The following PDCD4 variants were observed in gnomAD, a reference collection of about 807,000 sequenced individuals.
PDCD4 encodes the protein programmed cell death 4.
Under a neutral mutation model 54.0 loss-of-function variants are expected in PDCD4, and 56 were observed. That is an observed-to-expected ratio of 1.04 (90% CI 0.84 to 1.30). The LOEUF (loss-of-function observed/expected upper bound fraction) is 1.30. Ranked by LOEUF, PDCD4 falls within the 50% of genes most tolerant of loss-of-function variation. The pLI is 0.00. For missense variants in PDCD4, 584 were observed against 559.8 expected (o/e 1.04, Z -0.44); for synonymous variants, 186 against 194.8 (o/e 0.95, Z 0.37).
rs754972985 is a variant in PDCD4 at position 110,883,065 on chromosome 10, G to A, written c.409G>A (p.Asp137Asn). 4 of 1,595,750 alleles carry A rather than the reference G, an allele frequency of 2.5e-6. No individual in the cohort carries two copies. In the South Asian group the frequency reaches 3.4e-5, roughly 14 times the overall value. Reference protein sequence around the residue: ...PGQVYDVEEVDVKDPNYDDDQ... With the variant: ...PGQVYDVEEVNVKDPNYDDDQ... The stretch of plus-strand genomic sequence containing the variant: ...ACAGGTGTATGATGTGGAGGAGGTG[G>A]ATGTGAAAGATCCTAACTATGATGA... The change falls in exon 4 of 12, where the codon GAT (aspartate) becomes AAT (asparagine). Residue 137 changes from aspartate to asparagine, a missense_variant. Transcript: ENST00000280154.
In PDCD4 at chr10:110,885,292, GA is replaced by G; in HGVS notation, c.484del (p.Arg162GlyfsTer7). On this transcript the variant is annotated frameshift_variant, in exon 5 of 12. Coordinates refer to ENST00000280154, the MANE Select transcript of PDCD4 (RefSeq NM_014456.5). LOFTEE classifies it high-confidence loss of function. ...TGAAACTGTAGTTTTGCCTTTGGAT[GA>G]AAGGGCATTTGAGAAGACTTTAACA... ...VYETVVLPLD[E>X]RAFEKTLTPI... 6.3e-7 allele frequency: 1 copy of G among 1,597,574 alleles called. No individual in the cohort carries two copies.
At position 110,885,272 on chromosome 10, in the gene PDCD4, C is replaced by G; in HGVS notation, c.461C>G (p.Thr154Ser). The G allele has an allele frequency of 6.4e-7, 1 of 1,563,168 alleles. No homozygotes were observed. Among genetic ancestry groups the G allele is most frequent in the Admixed American group, 1.7e-5 (1 of 58,852 alleles). The change falls in exon 5 of 12, where the codon ACT becomes AGT. Residue 154 changes from threonine to serine, a missense_variant. Physicochemically the swap from Thr to Ser is moderately conservative, Grantham distance 58 (BLOSUM62 1). Coordinates refer to ENST00000280154, the MANE Select transcript of PDCD4 (RefSeq NM_014456.5). ...DDDQENCVYETVVLPLDERAF... is the reference protein window; with the variant it reads ...DDDQENCVYESVVLPLDERAF... Reference sequence around the variant, plus strand: ...TCAAAGGAGAACTGTGTTTATGAAACTGTAGTTTTGCCTTTGGATGAAAGG... The same window carrying G: ...TCAAAGGAGAACTGTGTTTATGAAAGTGTAGTTTTGCCTTTGGATGAAAGG...
intron 2 of PDCD4, among the ~76,000 whole-genome samples, chr10:110,879,866 A>G (rs1845565112): frequency 6.6e-6 from 1 of 152,232 alleles, no homozygotes; most frequent in South Asian, 2.1e-4. Flanking sequence ...AAGTATGTCA[A>G]GAATTGTAAA....
chr10:110,892,644 C>T (rs1381619793), intron 8 of PDCD4, among the ~76,000 whole-genome samples: 1 of 151,982 alleles, frequency 6.6e-6, no homozygotes, highest in African/African-American at 2.4e-5. Flanking sequence ...TGGTGGTGGT[C>T]CCATAAGGTT....
In PDCD4 at chr10:110,883,128, A is replaced by G. The variant is rs775239281; in HGVS notation, c.441+31A>G. Reference sequence around the variant, plus strand: ...AGTGCTTTGCTTTTTCATAATATTTAAAATGTTTATGAACTTTTTTGACTT... The same window carrying G: ...AGTGCTTTGCTTTTTCATAATATTTGAAATGTTTATGAACTTTTTTGACTT... On this transcript the variant is annotated intron_variant, in intron 4 of 11. Transcript: ENST00000280154. 16 of 1,383,796 alleles carry G rather than the reference A, an allele frequency of 1.2e-5. No individual in the cohort carries two copies. In the African/African-American group the frequency reaches 2.4e-4, roughly 20 times the overall value. 85.7% of individuals were successfully genotyped at this position (1,383,796 alleles called of 1,614,324 possible). A position where few individuals can be genotyped will look rare whatever the true frequency, so the allele number is the denominator to read the frequency against.
Position 110,876,075 on chromosome 10 carries a change from G to C in PDCD4, c.43+5G>C. On this transcript the variant is annotated splice_donor_5th_base_variant and intron_variant, in intron 2 of 11. Coordinates refer to ENST00000280154, the MANE Select transcript of PDCD4 (RefSeq NM_014456.5). ...TACTGAATGTAAACCCTGCAGGTAA[G>C]TAAGGATATCCTTTTTTCTTTTTTT... is the stretch of plus-strand genomic sequence containing the variant. 1 of 1,604,918 alleles carries C rather than the reference G, an allele frequency of 6.2e-7. No individual in the cohort carries two copies. Among genetic ancestry groups the C allele is most frequent in the Non-Finnish European group, 8.5e-7 (1 of 1,174,856 alleles).
At chr10:110,894,069 T>C in intron 8 of PDCD4, 22 bp from the exon 9 acceptor site, 1 of 1,404,020 alleles carries the variant, frequency 7.1e-7, no homozygotes, top group East Asian at 2.3e-5. Context: ...TTCTGACACA[T>C]CTCAACTTTT....
At chr10:110,884,560 T>A (rs550328101) in intron 4 of PDCD4, among the ~76,000 whole-genome samples, 2 of 152,258 alleles carry the variant, frequency 1.3e-5, no homozygotes, top group East Asian at 3.9e-4. Flanking sequence ...TTCATTTTTT[T>A]TTAAAGTGAA....
At position 110,898,065 on chromosome 10, in the gene PDCD4, C is replaced by A. The variant is rs185959051; in HGVS notation, c.1387C>A (p.Arg463Ser). The part of the protein sequence containing the change: ...KRFVSEGDGG[R>S]LKPESY ...TTTTGTAAGCGAAGGAGATGGAGGT[C>A]GTCTTAAACCAGAGAGCTACTGAAT... The change falls in exon 12 of 12, where the codon CGT (arginine) becomes AGT (serine). Residue 463 changes from arginine (R) to serine (S), a missense_variant. Arg to Ser is a moderately radical substitution (Grantham distance 110). Transcript: ENST00000280154. 1 of 1,581,912 alleles carries A rather than the reference C, an allele frequency of 6.3e-7. No individual in the cohort carries two copies. The highest frequency in any genetic ancestry group is 8.6e-7 in the Non-Finnish European group (1 of 1,162,276).
Position 110,898,007 on chromosome 10 carries a change from CTTT to C in PDCD4, c.1350-14_1350-12del. Reference sequence around the variant, plus strand: ...TCAGAATTTGTATCTGTTTTCATGTCTTTTTTTTTCTTCATTACAGGGGCAGAA... The same window carrying C: ...TCAGAATTTGTATCTGTTTTCATGTCTTTTTTCTTCATTACAGGGGCAGAA... On this transcript the variant is annotated intron_variant, in intron 11 of 11. Transcript: ENST00000280154. 1 of 1,516,352 alleles carries C rather than the reference CTTT, an allele frequency of 6.6e-7. No homozygotes were observed. The highest frequency in any genetic ancestry group is 1.3e-5 in the South Asian group (1 of 78,948). 93.9% of individuals were successfully genotyped at this position (1,516,352 alleles called of 1,614,324 possible).
chr10:110,884,118 C>A (rs1458703886), intron 4 of PDCD4, among the ~76,000 whole-genome samples: 1 of 152,156 alleles, frequency 6.6e-6, no homozygotes, highest in East Asian at 1.9e-4. Flanking sequence ...AAATTGCATG[C>A]CATTCTGAGT....
chr10:110,872,798 G>C (rs541143873), intron 1 of PDCD4, among the ~76,000 whole-genome samples: 5 of 152,206 alleles, frequency 3.3e-5, no homozygotes, highest in Non-Finnish European at 7.3e-5. Context: ...CCCCCTTTCT[G>C]TGAAACGCAT....
At position 110,894,098 on chromosome 10, in the gene PDCD4, T is replaced by A; in HGVS notation, c.998T>A (p.Met333Lys). ...SVNHLVKEID[M>K]LLKEYLLSGD... is the part of the protein sequence containing the mutation. The stretch of plus-strand genomic sequence containing the variant: ...AACTTTTAAATCTAATAGATTGATA[T>A]GCTGCTGAAAGAATATTTACTCTCT... The change falls in exon 9 of 12, where the codon ATG becomes AAG. Residue 333 changes from methionine to lysine, a missense_variant. Coordinates refer to ENST00000280154, the MANE Select transcript of PDCD4 (RefSeq NM_014456.5). 6.3e-7 allele frequency: 1 copy of A among 1,588,528 alleles called. No individual in the cohort carries two copies. Among genetic ancestry groups the A allele is most frequent in the South Asian group, 1.1e-5 (1 of 90,350 alleles).
rs772793305 is a variant in PDCD4, at chr10:110,894,542, T to G, written c.1209+20T>G. ...AAAAGAGTAAGTATAACATTGTTTT[T>G]GAACAACTTGTAGGATTATGTCTTA... On this transcript the variant is annotated intron_variant, in intron 10 of 11. Transcript: ENST00000280154. 2 of 1,017,724 alleles carry G rather than the reference T, an allele frequency of 2.0e-6. No homozygotes were observed. The allele number at this position is 1,017,724 out of a possible 1,614,324, so 63.0% of individuals were successfully genotyped here. A position where few individuals can be genotyped will look rare whatever the true frequency, so the allele number is the denominator to read the frequency against.
At chr10:110,872,338 C>T (rs1845424617) in intron 1 of PDCD4, 1 of 152,564 alleles carries the variant, frequency 6.6e-6, no homozygotes, top group East Asian at 1.9e-4. Flanking sequence ...GGCGCTCGCC[C>T]TTGAAGGTCC....
At chr10:110,885,743 CAT>C (rs1564682525) in intron 5 of PDCD4, among the ~76,000 whole-genome samples, 1 of 151,816 alleles carries the variant, frequency 6.6e-6, no homozygotes, top group African/African-American at 2.4e-5. Context: ...GAATGCCTGA[CAT>C]AGTTTCATTT....
intron 11 of PDCD4, among the ~76,000 whole-genome samples, chr10:110,897,736 T>C (rs936230408): frequency 6.6e-6 from 1 of 152,142 alleles, no homozygotes; most frequent in Non-Finnish European, 1.5e-5. Flanking sequence ...TTAGAAATAA[T>C]TTTAAATTTC....
At position 110,881,426 on chromosome 10, in the gene PDCD4, C is replaced by T. The variant is rs140792310; in HGVS notation, c.237C>T (p.Asp79=). 5.0e-6 allele frequency: 8 copies of T among 1,614,046 alleles called. No homozygotes were observed. The African/African-American group carries it at 1.1e-4, about 22-fold the overall frequency. Residue 79 remains aspartate, a synonymous_variant, in exon 3 of 12, where the codon GAC becomes GAT. Coordinates refer to ENST00000280154, the MANE Select transcript of PDCD4 (RefSeq NM_014456.5). The stretch of plus-strand genomic sequence containing the variant: ...CTGGCAGAGGCGATTCGGTCAGCGA[C>T]AGTGGGAGTGACGCCCTTAGAAGTG... ...RDSGRGDSVS[D]SGSDALRSGL...
chr10:110,895,047 G>A (rs559107551), intron 10 of PDCD4, among the ~76,000 whole-genome samples: 11 of 151,998 alleles, frequency 7.2e-5, no homozygotes, highest in Middle Eastern at 6.8e-3. Context: ...TTTTAGCTAT[G>A]TAACCAGTTT....
Sources: gnomAD v4.1 joint callset for allele counts (sites outside exome capture counted in the v4.1 genomes callset) on GRCh38, gnomAD v4.1.1 for gene constraint, MANE v1.5 for transcripts, NCBI Gene and HGNC (gene_info 2026-07-23, HGNC 2026-07-21) for gene names.